The following CNTLN variants were observed in gnomAD, a reference collection of about 807,000 sequenced individuals.
CNTLN encodes the protein centlein, centrosomal protein.
In CNTLN, 212 loss-of-function variants were observed where a neutral mutation model predicts 180.0. That is an observed-to-expected ratio of 1.18 (90% CI 1.05 to 1.32). The LOEUF is 1.32. CNTLN is among the 40% of genes most tolerant of loss of function. The probability of loss-of-function intolerance (pLI) is 0.00; values close to 1 mark genes in which losing one functional copy is unlikely to be tolerated. For missense variants in CNTLN, 2,095 were observed against 1,610.9 expected, an observed-to-expected ratio of 1.30 and a Z score of -5.14; for synonymous variants, 722 against 563.1, an observed-to-expected ratio of 1.28 and a Z score of -3.99.
In CNTLN at chr9:17,325,410, G is replaced by A. The variant is rs866551997; in HGVS notation, c.1342-5222G>A. On this transcript the variant is annotated intron_variant, in intron 8 of 25. Coordinates refer to ENST00000380647, the MANE Select transcript of CNTLN (RefSeq NM_017738.4). ...TGTGTGTGTGTGTGTGTGTGTGTGT[G>A]TGTATGTATACACAGACAATTATAT... 2.4e-5 allele frequency among the ~76,000 whole-genome samples: 3 copies of A among 126,680 alleles called. No individual in the cohort carries two copies. In the Admixed American group the frequency reaches 2.4e-4, roughly 10 times the overall value. The allele number at this position is 126,680 out of a possible 152,430, so 83.1% of individuals were successfully genotyped here.
intron 12 of CNTLN, among the ~76,000 whole-genome samples, chr9:17,345,389 A>ATAGT (rs59007332): frequency 0.32 from 48,167 of 151,790 alleles, 7,853 homozygotes; most frequent in South Asian, 0.52. Flanking sequence ...TGCATTATTG[A>ATAGT]TAGAGCTAAG....
intron 6 of CNTLN, among the ~76,000 whole-genome samples, chr9:17,290,872 C>T (rs1829346376): frequency 6.6e-6 from 1 of 152,228 alleles, no homozygotes; most frequent in Non-Finnish European, 1.5e-5. Context: ...TCGGCTCGCG[C>T]ATGGTGCGTG....
At chr9:17,248,346 G>A (rs1460835333) in intron 5 of CNTLN, among the ~76,000 whole-genome samples, 2 of 151,964 alleles carry the variant, frequency 1.3e-5, no homozygotes, top group Non-Finnish European at 2.9e-5. Flanking sequence ...GAATTCACCA[G>A]TGAAGCTACC....
At chr9:17,475,240 A>C (rs145929228) in intron 23 of CNTLN, among the ~76,000 whole-genome samples, 24 of 152,140 alleles carry the variant, frequency 1.6e-4, no homozygotes, top group African/African-American at 5.6e-4. Context: ...AAGCTGGTTA[A>C]ATCTAAATCA....
chr9:17,414,081 A>G (rs1472591270), intron 16 of CNTLN, among the ~76,000 whole-genome samples: 1 of 152,190 alleles, frequency 6.6e-6, no homozygotes, highest in Non-Finnish European at 1.5e-5. Flanking sequence ...CTGACCTGAA[A>G]TTTCTCATCT....
chr9:17,375,522 A>C (rs561617859), intron 13 of CNTLN, among the ~76,000 whole-genome samples: 127 of 152,332 alleles, frequency 8.3e-4, no homozygotes, highest in Admixed American at 1.5e-3. Flanking sequence ...GTGTACCCAC[A>C]CACAAAAATT....
At chr9:17,400,890 T>C (rs550508658) in intron 15 of CNTLN, among the ~76,000 whole-genome samples, 1 of 152,300 alleles carries the variant, frequency 6.6e-6, no homozygotes, top group African/African-American at 2.4e-5. Context: ...TGAGTACAGG[T>C]CTTTTTTAGG....
At chr9:17,374,398 C>G (rs1824581398) in intron 13 of CNTLN, among the ~76,000 whole-genome samples, 1 of 152,048 alleles carries the variant, frequency 6.6e-6, no homozygotes, top group African/African-American at 2.4e-5. Flanking sequence ...GAATACAAAT[C>G]AAAACTAAAA....
chr9:17,164,277 A>C (rs1393246070), intron 2 of CNTLN, among the ~76,000 whole-genome samples: 1 of 141,766 alleles, frequency 7.1e-6, no homozygotes. Flanking sequence ...GCCTGACTGC[A>C]CTCCAGCCTG....
At chr9:17,290,750 C>T (rs1170970581) in intron 6 of CNTLN, among the ~76,000 whole-genome samples, 9 of 151,774 alleles carry the variant, frequency 5.9e-5, no homozygotes, top group South Asian at 2.1e-4. Context: ...GCGCAATATT[C>T]GGGTGGGAGT....
Position 17,266,903 on chromosome 9 carries a change from C to T in CNTLN, c.850-6830C>T, listed in dbSNP as rs1440016796. 2.0e-5 allele frequency among the ~76,000 whole-genome samples: 3 copies of T among 152,226 alleles called. No homozygotes were observed. In the East Asian group the frequency reaches 5.8e-4, roughly 29 times the overall value. ...TTCCATTTGCTTGGTAGATCTTTCT[C>T]CATCCCTTTATTTTGAGCCTATGTG... On this transcript the variant is annotated intron_variant, in intron 5 of 25. Coordinates refer to ENST00000380647, the MANE Select transcript of CNTLN (RefSeq NM_017738.4).
chr9:17,505,080 C>G (rs1036707209), downstream of CNTLN, among the ~76,000 whole-genome samples: 1 of 151,908 alleles, frequency 6.6e-6, no homozygotes, highest in African/African-American at 2.4e-5. Context: ...GCTAAAAATA[C>G]CCCACAATCA....
At chr9:17,523,953 T>C in the CNTLN span, among the ~76,000 whole-genome samples, 7 of 152,360 alleles carry the variant, frequency 4.6e-5, no homozygotes, top group East Asian at 1.9e-4. Flanking sequence ...AGAGCAGTTT[T>C]CACTAATAAA....
chr9:17,313,419 T>C (rs1330952919), intron 8 of CNTLN, among the ~76,000 whole-genome samples: 1 of 151,768 alleles, frequency 6.6e-6, no homozygotes, highest in African/African-American at 2.4e-5. Flanking sequence ...TTAACTGGCT[T>C]TTTTTTTAAT....
intron 13 of CNTLN, 37 bp downstream of exon 13, chr9:17,366,754 T>C (rs543318129): frequency 4.5e-6 from 5 of 1,110,662 alleles, no homozygotes; most frequent in Non-Finnish European, 6.6e-6. Context: ...ACAGAGGAAT[T>C]TTAAAATTGT....
intron 10 of CNTLN, among the ~76,000 whole-genome samples, chr9:17,339,695 G>C (rs1353066789): frequency 6.6e-6 from 1 of 152,106 alleles, no homozygotes; most frequent in African/African-American, 2.4e-5. Context: ...TAAAATATTT[G>C]AAATTCTCAT....
At chr9:17,228,653 C>G (rs1824626456) in intron 3 of CNTLN, among the ~76,000 whole-genome samples, 1 of 152,028 alleles carries the variant, frequency 6.6e-6, no homozygotes. Flanking sequence ...TCTCTTTCAT[C>G]CACTCTTTAG....
At chr9:17,320,112 A>G (rs900679935) in intron 8 of CNTLN, among the ~76,000 whole-genome samples, 1 of 152,250 alleles carries the variant, frequency 6.6e-6, no homozygotes, top group African/African-American at 2.4e-5. Context: ...TGAATGAGAT[A>G]CATGCCATGT....
intron 13 of CNTLN, among the ~76,000 whole-genome samples, chr9:17,378,654 T>G (rs999980102): frequency 4.6e-5 from 7 of 152,216 alleles, no homozygotes; most frequent in Non-Finnish European, 8.8e-5. Flanking sequence ...GTTCTTTTCT[T>G]CCTTTGTGGC....
Sources: gnomAD v4.1 joint callset for allele counts (sites outside exome capture counted in the v4.1 genomes callset) on GRCh38, gnomAD v4.1.1 for gene constraint, MANE v1.5 for transcripts, NCBI Gene and HGNC (gene_info 2026-07-23, HGNC 2026-07-21) for gene names.